Variants in SLAMF6 observed in about 807,000 individuals in gnomAD.
SLAMF6 encodes the protein SLAM family member 6.
In SLAMF6, 21 loss-of-function variants were observed where a neutral mutation model predicts 38.3. The ratio of observed to expected loss-of-function variants is 0.55; its 90% CI spans 0.39 to 0.79. SLAMF6 has a LOEUF of 0.79. Among genes scored for constraint, SLAMF6 ranks in the 30% least tolerant of loss-of-function variants. SLAMF6 has a pLI of 0.00. For missense variants in SLAMF6, 341 were observed against 385.3 expected, an observed-to-expected ratio of 0.89 and a Z score of 0.96; for synonymous variants, 152 against 146.3, an observed-to-expected ratio of 1.04 and a Z score of -0.28.
chr1:160,522,724 A>G (rs936425020), intron 1 of SLAMF6, among the ~76,000 whole-genome samples: 11 of 151,906 alleles, frequency 7.2e-5, no homozygotes, highest in African/African-American at 2.4e-4. Context: ...GGTTTTTAAT[A>G]ATTTAGATGA....
chr1:160,523,071 C>A, intron 1 of SLAMF6, 73 bp downstream of exon 1: 1 of 1,527,942 alleles, frequency 6.5e-7, no homozygotes, highest in Non-Finnish European at 9.1e-7. Flanking sequence ...TGTATACAGA[C>A]GATTTAGGTT....
chr1:160,490,169 G>A (rs773575735), intron 5 of SLAMF6, 29 bp downstream of exon 5: 8 of 1,611,970 alleles, frequency 5.0e-6, no homozygotes, highest in African/African-American at 1.3e-5. Flanking sequence ...TCTGCTTTAT[G>A]ATGGAGAGTT....
intron 1 of SLAMF6, among the ~76,000 whole-genome samples, chr1:160,522,191 G>A (rs1027489471): frequency 4.6e-5 from 7 of 152,168 alleles, no homozygotes; most frequent in Admixed American, 1.3e-4. Context: ...AGAGCTTGTC[G>A]CATGCTGGCT....
chr1:160,492,741 A>G (rs1253197016), intron 2 of SLAMF6, among the ~76,000 whole-genome samples: 1 of 152,200 alleles, frequency 6.6e-6, no homozygotes, highest in South Asian at 2.1e-4. Context: ...AGTTTTACCC[A>G]TCTGACTTGT....
chr1:160,495,462 A>T (rs1280585173), intron 2 of SLAMF6, among the ~76,000 whole-genome samples: 1 of 152,206 alleles, frequency 6.6e-6, no homozygotes, highest in East Asian at 1.9e-4. Flanking sequence ...AATATGAGCC[A>T]TCGGGGGAAA....
intron 2 of SLAMF6, among the ~76,000 whole-genome samples, chr1:160,495,757 A>G (rs1420550495): frequency 6.6e-6 from 1 of 152,256 alleles, no homozygotes; most frequent in African/African-American, 2.4e-5. Flanking sequence ...CATGGCAAAT[A>G]CATGTAGTGC....
chr1:160,522,989 G>A (rs1350685294), intron 1 of SLAMF6, among the ~76,000 whole-genome samples, 155 bp downstream of exon 1: 1 of 152,188 alleles, frequency 6.6e-6, no homozygotes, highest in African/African-American at 2.4e-5. Flanking sequence ...TTGAGAGGAG[G>A]TAGTAGTATA....
intron 1 of SLAMF6, among the ~76,000 whole-genome samples, chr1:160,516,614 C>G (rs1321485001): frequency 6.6e-6 from 1 of 152,128 alleles, no homozygotes; most frequent in African/African-American, 2.4e-5. Flanking sequence ...TACTATAAGG[C>G]AGCAATAACC....
At chr1:160,515,021 G>C (rs1175228571) in intron 1 of SLAMF6, among the ~76,000 whole-genome samples, 2 of 152,052 alleles carry the variant, frequency 1.3e-5, no homozygotes, top group Non-Finnish European at 2.9e-5. Flanking sequence ...AGAACTGAAG[G>C]AGATAGATAA....
intron 1 of SLAMF6, among the ~76,000 whole-genome samples, chr1:160,501,349 T>C (rs1653881781): frequency 1.3e-5 from 2 of 152,234 alleles, no homozygotes; most frequent in South Asian, 4.1e-4. Flanking sequence ...GGCTTGCCTC[T>C]GCATTGCCCT....
At chr1:160,516,085 G>T (rs183041621) in intron 1 of SLAMF6, among the ~76,000 whole-genome samples, 1 of 152,230 alleles carries the variant, frequency 6.6e-6, no homozygotes. Flanking sequence ...CAGATGACAC[G>T]ATCCTATATC....
At chr1:160,488,146 TC>T (rs1233294313) in intron 6 of SLAMF6, among the ~76,000 whole-genome samples, 1 of 149,846 alleles carries the variant, frequency 6.7e-6, no homozygotes, top group African/African-American at 2.5e-5. Context: ...CAAAAAAACC[TC>T]AAACTCTCCA....
chr1:160,514,585 A>C (rs1472242885), intron 1 of SLAMF6, among the ~76,000 whole-genome samples: 1 of 152,190 alleles, frequency 6.6e-6, no homozygotes, highest in Non-Finnish European at 1.5e-5. Flanking sequence ...CTTACTCTAA[A>C]ATTGATCACA....
intron 1 of SLAMF6, among the ~76,000 whole-genome samples, chr1:160,508,327 C>T (rs1654296088): frequency 6.6e-6 from 1 of 152,084 alleles, no homozygotes; most frequent in African/African-American, 2.4e-5. Context: ...ATCAGTGGTA[C>T]AGAACAGAGG....
chr1:160,487,237 A>G, intron 6 of SLAMF6, 62 bp from the exon 7 acceptor site: 2 of 1,390,546 alleles, frequency 1.4e-6, no homozygotes, highest in South Asian at 2.4e-5. Context: ...GCATAGATAT[A>G]TTCTTAGGAA....
intron 1 of SLAMF6, among the ~76,000 whole-genome samples, chr1:160,521,326 T>C (rs1358391898): frequency 2.6e-5 from 4 of 152,250 alleles, no homozygotes; most frequent in African/African-American, 9.6e-5. Flanking sequence ...ACTTTAGTGT[T>C]CTGTGCCTTC....
In SLAMF6 at chr1:160,496,118, C is replaced by T. The variant is rs945483252; in HGVS notation, c.325G>A (p.Ala109Thr). ...LKMEDTGSYR[A>T]QISTKTSAKL... ...GCAGAGGTCTTTGTGGATATCTGGG[C>T]TCTGTAAGAGCCTGTGTCTTCCATC... Residue 109 changes from alanine (A) to threonine (T), a missense_variant, in exon 2 of 8, where the codon GCC becomes ACC. Ala to Thr is a moderately conservative substitution (Grantham distance 58, BLOSUM62 0). Transcript: ENST00000368057. The T allele has an allele frequency of 5.0e-6, 8 of 1,613,850 alleles. No individual in the cohort carries two copies. The highest frequency in any genetic ancestry group is 6.8e-6 in the Non-Finnish European group (8 of 1,179,902).
At position 160,496,745 on chromosome 1, in the gene SLAMF6, AG is replaced by A; in HGVS notation, c.50-353del. The stretch of plus-strand genomic sequence containing the variant: ...TAGGTTGAGGGGGACAGGAAACTAT[AG>A]ACTCCAAAAACTGCAAGTCTTTGCT... On this transcript the variant is annotated intron_variant, in intron 1 of 7. Coordinates refer to ENST00000368057, the MANE Select transcript of SLAMF6 (RefSeq NM_001184714.2). Among the ~76,000 whole-genome samples, 2 of 152,328 alleles carry A rather than the reference AG, an allele frequency of 1.3e-5. 1 individual carries two copies. The highest frequency in any genetic ancestry group is 4.1e-4 in the South Asian group (2 of 4,832).
At chr1:160,500,367 C>T (rs1246657383) in intron 1 of SLAMF6, among the ~76,000 whole-genome samples, 1 of 152,198 alleles carries the variant, frequency 6.6e-6, no homozygotes, top group Non-Finnish European at 1.5e-5. Context: ...GCTCCAGCCC[C>T]CTTGGCTATT....
Sources: allele counts gnomAD v4.1 joint callset (sites outside exome capture counted in the v4.1 genomes callset), GRCh38; gene constraint gnomAD v4.1.1; transcripts MANE v1.5; gene names NCBI Gene and HGNC (gene_info 2026-07-23, HGNC 2026-07-21).